Variants in PPM1M observed in about 807,000 individuals in gnomAD.
PPM1M encodes protein phosphatase, Mg2+/Mn2+ dependent 1M.
Under a neutral mutation model 50.8 loss-of-function variants are expected in PPM1M, and 44 were observed. The ratio of observed to expected loss-of-function variants is 0.87; its 90% CI spans 0.68 to 1.11. PPM1M has a LOEUF of 1.11. PPM1M is among the 50% of genes most tolerant of loss of function. The pLI is 0.00. For synonymous variants in PPM1M, 224 were observed against 242.9 expected, an observed-to-expected ratio of 0.92 and a Z score of 0.72; for missense variants, 556 against 593.4, an observed-to-expected ratio of 0.94 and a Z score of 0.66.
Position 52,248,196 on chromosome 3 carries a change from G to A in PPM1M, c.754G>A (p.Glu252Lys), listed in dbSNP as rs372806959. The A allele has an allele frequency of 1.9e-6, 3 of 1,613,456 alleles. No individual in the cohort carries two copies. Among genetic ancestry groups the A allele is most frequent in the Admixed American group, 1.7e-5 (1 of 59,954 alleles). Residue 252 changes from glutamate (E) to lysine (K), a missense_variant, in exon 5 of 10, where the codon GAG becomes AAG. By Grantham distance (56) the Glu-to-Lys change is moderately conservative. Coordinates refer to ENST00000323588, the MANE Select transcript of PPM1M (RefSeq NM_144641.4). ...AGATGAGATACGGCCACTGAGCTTCGAGTTCACCCCAGAGACTGAGCGGCA... is the reference window on the plus strand; with the variant it reads ...AGATGAGATACGGCCACTGAGCTTCAAGTTCACCCCAGAGACTGAGCGGCA... ...RRDEIRPLSF[E>K]FTPETERQRI...
chr3:52,245,830 C>A lies in PPM1M; in HGVS notation c.6C>A (p.Ser2=), dbSNP rs1456341510. The change falls in exon 1 of 10, where the codon TCC becomes TCA. Residue 2 remains serine, a synonymous_variant. Coordinates refer to ENST00000323588, the MANE Select transcript of PPM1M (RefSeq NM_144641.4). This position sits in a 1 kb window ranked among gnomAD's most constrained non-coding sequence, Gnocchi z 4.8. The part of the protein sequence containing the change: M[S]AGWFRRRFLP... ...CAGCCCCCTGCCGCCGCGCCATGTCCGCCGGCTGGTTCCGGCGCCGCTTCC... is the reference window on the plus strand; with the variant it reads ...CAGCCCCCTGCCGCCGCGCCATGTCAGCCGGCTGGTTCCGGCGCCGCTTCC... 9.5e-7 allele frequency: 1 copy of A among 1,047,730 alleles called. No homozygotes were observed. The highest frequency in any genetic ancestry group is 1.2e-6 in the Non-Finnish European group (1 of 867,690). 64.9% of individuals were successfully genotyped at this position (1,047,730 alleles called of 1,614,324 possible).
chr3:52,248,420 A>T lies in PPM1M; in HGVS notation c.881A>T (p.Lys294Met). The change falls in exon 6 of 10, where the codon AAG becomes ATG. Residue 294 changes from lysine (K) to methionine (M), a missense_variant. By Grantham distance (95) the Lys-to-Met change is moderately conservative. Coordinates refer to ENST00000323588, the MANE Select transcript of PPM1M (RefSeq NM_144641.4). Reference protein sequence around the residue: ...RRLKGDDLGQKVLFRDHHMSG... With the variant: ...RRLKGDDLGQMVLFRDHHMSG... ...CTGAAGGGGGATGACTTGGGACAGA[A>T]GGTTTTGTTCAGGGATCACCACATG... 6.2e-7 allele frequency: 1 copy of T among 1,613,722 alleles called. No individual in the cohort carries two copies. Among genetic ancestry groups the T allele is most frequent in the Non-Finnish European group, 8.5e-7 (1 of 1,179,804 alleles).
rs1213258944 is a variant in PPM1M at position 52,249,953 on chromosome 3, T to A, written c.*139T>A. 3 of 725,872 alleles carry A rather than the reference T, an allele frequency of 4.1e-6. No individual in the cohort carries two copies. Among genetic ancestry groups the A allele is most frequent in the East Asian group, 5.5e-5 (2 of 36,662 alleles). 45.0% of individuals were successfully genotyped at this position (725,872 alleles called of 1,614,324 possible). A position where few individuals can be genotyped will look rare whatever the true frequency, so the allele number is the denominator to read the frequency against. On this transcript the variant is annotated 3_prime_UTR_variant, in exon 10 of 10. Coordinates refer to ENST00000323588, the MANE Select transcript of PPM1M (RefSeq NM_144641.4). The stretch of plus-strand genomic sequence containing the variant: ...CTCTCACTATCCACCTCAACACACA[T>A]CCATCTCAAGAGGAACATTTATACC...
At chr3:52,248,871 C>A in intron 7 of PPM1M, 85 bp from the exon 8 acceptor site, 3 of 1,264,970 alleles carry the variant, frequency 2.4e-6, no homozygotes, top group Non-Finnish European at 3.4e-6. Flanking sequence ...TCCACCTCTC[C>A]CTGTGTGCTC....
chr3:52,249,264 G>A lies in PPM1M; in HGVS notation c.1177G>A (p.Glu393Lys), dbSNP rs753110930. 6.8e-6 allele frequency: 11 copies of A among 1,613,564 alleles called. No individual in the cohort carries two copies. Among genetic ancestry groups the A allele is most frequent in the Admixed American group, 5.0e-5 (3 of 59,940 alleles). ...TDGLWDVLSN[E>K]QVAWLVRSFL... ...TGGACTCTGGGATGTACTGTCCAAC[G>A]AGCAGGTGGCATGGCTGGTGCGGAG... Residue 393 changes from glutamate to lysine, a missense_variant, in exon 9 of 10, where the codon GAG becomes AAG. Transcript: ENST00000323588.
chr3:52,249,536 G>A (rs1699926362), intron 9 of PPM1M, 134 bp from the exon 10 acceptor site: 4 of 1,390,148 alleles, frequency 2.9e-6, no homozygotes, highest in Non-Finnish European at 3.9e-6. Context: ...TCCCAGACTT[G>A]CTGCTTGCTT....
rs371727495 is a variant in PPM1M at position 52,249,811 on chromosome 3, C to A, written c.1377C>A (p.His459Gln). 1 of 1,612,508 alleles carries A rather than the reference C, an allele frequency of 6.2e-7. No homozygotes were observed. Among genetic ancestry groups the A allele is most frequent in the Admixed American group, 1.7e-5 (1 of 59,920 alleles). The stretch of plus-strand genomic sequence containing the variant: ...GTCAGGGCCAAGAGAGCAGTGACCA[C>A]TGAGGATTCAGACACTGTATCCCAG... ...LHSQGQESSD[H>Q] The change falls in exon 10 of 10, where the codon CAC becomes CAA. Residue 459 changes from histidine (H) to glutamine (Q), a missense_variant. His to Gln is a conservative substitution (Grantham distance 24, BLOSUM62 0). Coordinates refer to ENST00000323588, the MANE Select transcript of PPM1M (RefSeq NM_144641.4).
intron 1 of PPM1M, 55 bp from the exon 2 acceptor site, chr3:52,246,640 C>A: frequency 8.6e-7 from 1 of 1,163,850 alleles, no homozygotes; most frequent in South Asian, 1.3e-5. Context: ...GGTCCCTGTG[C>A]CCATGGGGAC....
rs1244816647 is a variant in PPM1M at position 52,246,825 on chromosome 3, T to C, written c.342+13T>C. 2 of 1,438,642 alleles carry C rather than the reference T, an allele frequency of 1.4e-6. No individual in the cohort carries two copies. Among genetic ancestry groups the C allele is most frequent in the Middle Eastern group, 1.9e-4 (1 of 5,132 alleles). 89.1% of individuals were successfully genotyped at this position (1,438,642 alleles called of 1,614,324 possible). On this transcript the variant is annotated intron_variant, in intron 2 of 9. Coordinates refer to ENST00000323588, the MANE Select transcript of PPM1M (RefSeq NM_144641.4). ...GTGCCCAGAGGAGGTGAGTGCAGTC[T>C]GAGTTCTTGGCTGGAATCCCTCCGA...
chr3:52,249,089 A>G (rs1699916530), intron 8 of PPM1M, 26 bp downstream of exon 8: 1 of 1,608,324 alleles, frequency 6.2e-7, no homozygotes, highest in Non-Finnish European at 8.5e-7. Context: ...TGTCCAACCC[A>G]GCTTCCATCT....
intron 9 of PPM1M, 29 bp downstream of exon 9, chr3:52,249,351 G>A: frequency 1.9e-6 from 3 of 1,571,862 alleles, no homozygotes; most frequent in Non-Finnish European, 2.6e-6. Flanking sequence ...ACCTGCCTGG[G>A]CCTGGGTTGG....
Position 52,249,760 on chromosome 3 carries a change from C to G in PPM1M, c.1326C>G (p.Val442=). The change falls in exon 10 of 10, where the codon GTC becomes GTG. Residue 442 remains valine (V), a synonymous_variant. Coordinates refer to ENST00000323588, the MANE Select transcript of PPM1M (RefSeq NM_144641.4). Reference sequence around the variant, plus strand: ...AAGGGCAGGTGTCCTACGATGACGTCTCTGTGTTCGTGATTCCCTTGCACA... The same window carrying G: ...AAGGGCAGGTGTCCTACGATGACGTGTCTGTGTTCGTGATTCCCTTGCACA... ...TEEGQVSYDD[V]SVFVIPLHSQ... is the part of the protein sequence containing the mutation. The G allele has an allele frequency of 6.2e-7, 1 of 1,613,934 alleles. No individual in the cohort carries two copies. The highest frequency in any genetic ancestry group is 1.1e-5 in the South Asian group (1 of 91,070).
chr3:52,246,672 C>T (rs771679657), intron 1 of PPM1M, 23 bp from the exon 2 acceptor site: 2 of 1,287,338 alleles, frequency 1.6e-6, no homozygotes, highest in South Asian at 1.2e-5. Context: ...CCTGGAGGGT[C>T]GCTTACCATT....
At chr3:52,246,450 C>A in intron 1 of PPM1M, 2 of 838,726 alleles carry the variant, frequency 2.4e-6, no homozygotes, top group Non-Finnish European at 3.2e-6. Flanking sequence ...GGCAACCTAC[C>A]CTTACCGTCT....
In PPM1M at chr3:52,248,352, G is replaced by A; in HGVS notation, c.813G>A (p.Glu271=). ...CACCCCAGGCCTTTGTCTATCCTGA[G>A]CTTCTGGCTGGTGAGTTCACCCGAC... is the stretch of plus-strand genomic sequence containing the variant. ...RIQQLAFVYP[E]LLAGEFTRLE... is the part of the protein sequence containing the mutation. Residue 271 remains glutamate, a synonymous_variant, in exon 6 of 10, where the codon GAG becomes GAA. Coordinates refer to ENST00000323588, the MANE Select transcript of PPM1M (RefSeq NM_144641.4). 1.2e-6 allele frequency: 2 copies of A among 1,613,054 alleles called. No individual in the cohort carries two copies. The highest frequency in any genetic ancestry group is 1.7e-6 in the Non-Finnish European group (2 of 1,179,494).
chr3:52,247,121 CT>C lies in PPM1M; in HGVS notation c.491del (p.Leu164ProfsTer25). 1 of 1,607,992 alleles carries C rather than the reference CT, an allele frequency of 6.2e-7. No homozygotes were observed. Among genetic ancestry groups the C allele is most frequent in the South Asian group, 1.1e-5 (1 of 89,596 alleles). ...GLVATQPPMH[L>X]NGRCICPSDP... ...GGTGGCCACTCAGCCCCCCATGCAC[CT>C]CAATGGCCGCTGCATCTGCCCCAGT... On this transcript the variant is annotated frameshift_variant, in exon 3 of 10. Coordinates refer to ENST00000323588, the MANE Select transcript of PPM1M (RefSeq NM_144641.4). LOFTEE classifies it high-confidence loss of function.
chr3:52,247,006 T>C lies in PPM1M; in HGVS notation c.375T>C (p.Asp125=). 6.5e-7 allele frequency: 1 copy of C among 1,548,446 alleles called. No individual in the cohort carries two copies. Among genetic ancestry groups the C allele is most frequent in the Non-Finnish European group, 8.7e-7 (1 of 1,146,084 alleles). The change falls in exon 3 of 10, where the codon GAT becomes GAC. Residue 125 remains aspartate, a synonymous_variant. Transcript: ENST00000323588. ...FLTGHYWALF[D]GHGGPAAAIL... ...CAGGCCATTACTGGGCACTGTTCGA[T>C]GGGCACGGCGGTCCTGCAGCAGCCA... is the stretch of plus-strand genomic sequence containing the variant.
chr3:52,249,991 C>A lies in PPM1M; in HGVS notation c.*177C>A, dbSNP rs571797781. 6.2e-5 allele frequency: 39 copies of A among 624,306 alleles called. No homozygotes were observed. Among genetic ancestry groups the A allele is most frequent in the African/African-American group, 4.2e-4 (23 of 54,948 alleles). The allele number at this position is 624,306 out of a possible 1,614,324, so 38.7% of individuals were successfully genotyped here. On this transcript the variant is annotated 3_prime_UTR_variant, in exon 10 of 10. Transcript: ENST00000323588. ...GAACATTTATACCAGGCAGTCAGAG[C>A]TGGAAGTGTATGGAGAGCCCAGCCC...
At chr3:52,246,340 G>A (rs990302187) in intron 1 of PPM1M, 31 of 1,043,758 alleles carry the variant, frequency 3.0e-5, no homozygotes, top group Non-Finnish European at 3.5e-5. Flanking sequence ...TCGGGGCTTT[G>A]GAGATTTCCC....
Sources: allele counts gnomAD v4.1 joint callset, GRCh38; gene constraint gnomAD v4.1.1; non-coding constraint Gnocchi (gnomAD v3.1); transcripts MANE v1.5; gene names NCBI Gene and HGNC (gene_info 2026-07-23, HGNC 2026-07-21).